Variants in TESK2 observed in about 807,000 individuals in gnomAD.
TESK2 encodes the protein testis associated actin remodelling kinase 2.
In TESK2, 39 loss-of-function variants were observed where a neutral mutation model predicts 57.1. The ratio of observed to expected loss-of-function variants is 0.68; its 90% CI spans 0.53 to 0.89. The LOEUF (loss-of-function observed/expected upper bound fraction) is 0.89. Among genes scored for constraint, TESK2 ranks in the 40% least tolerant of loss-of-function variants. The pLI is 0.00. For synonymous variants in TESK2, 249 were observed against 267.9 expected, an observed-to-expected ratio of 0.93 and a Z score of 0.69; for missense variants, 646 against 732.1, an observed-to-expected ratio of 0.88 and a Z score of 1.36.
Position 45,345,903 on chromosome 1 carries a change from T to C in TESK2, c.971A>G (p.Asp324Gly), listed in dbSNP as rs1647137079. The C allele has an allele frequency of 6.2e-7, 1 of 1,613,914 alleles. No homozygotes were observed. Among genetic ancestry groups the C allele is most frequent in the Non-Finnish European group, 8.5e-7 (1 of 1,179,988 alleles). The change falls in exon 10 of 11, where the codon GAT becomes GGT. Residue 324 changes from aspartate to glycine, a missense_variant. Transcript: ENST00000372086. Reference protein sequence around the residue: ...SRLQEEEQERDRKLQPTARGL... With the variant: ...SRLQEEEQERGRKLQPTARGL... ...CCTGGCTGTGGGCTGCAGCTTCCTA[T>C]CCCTCTCCTGCTCTTCTTCCTGTAG...
intron 2 of TESK2, among the ~76,000 whole-genome samples, chr1:45,444,176 TA>T (rs34789802): frequency 3.9e-3 from 517 of 131,440 alleles, no homozygotes; most frequent in Non-Finnish European, 3.7e-3. Flanking sequence ...GAGACTCTAT[TA>T]AAAAAAAAAA....
intron 1 of TESK2, among the ~76,000 whole-genome samples, chr1:45,471,473 T>C (rs1310415436): frequency 1.3e-5 from 2 of 149,874 alleles, no homozygotes; most frequent in East Asian, 4.1e-4. Context: ...TGGTGCGATC[T>C]CGGCTCACTG....
intron 1 of TESK2, among the ~76,000 whole-genome samples, chr1:45,485,377 C>T (rs1653422177): frequency 6.6e-6 from 1 of 151,824 alleles, no homozygotes; most frequent in East Asian, 1.9e-4. Flanking sequence ...TTAGTAGAGA[C>T]GGGGTTTCAC....
intron 3 of TESK2, among the ~76,000 whole-genome samples, chr1:45,394,757 T>C (rs1347243797): frequency 7.7e-6 from 1 of 129,770 alleles, no homozygotes; most frequent in Non-Finnish European, 1.6e-5. Flanking sequence ...AATGGCTCAG[T>C]CTTGGTTCAC....
chr1:45,386,788 G>A (rs890894683), intron 3 of TESK2, among the ~76,000 whole-genome samples: 9 of 152,028 alleles, frequency 5.9e-5, no homozygotes, highest in Non-Finnish European at 4.4e-5. Context: ...AGAGTAGCTG[G>A]GACTACAGGC....
chr1:45,480,605 A>G (rs950159560), intron 1 of TESK2, among the ~76,000 whole-genome samples: 1 of 151,974 alleles, frequency 6.6e-6, no homozygotes. Flanking sequence ...ATTATAAGGA[A>G]TTAGTTAAAT....
chr1:45,384,819 A>G (rs1193213014), intron 4 of TESK2, among the ~76,000 whole-genome samples: 1 of 151,830 alleles, frequency 6.6e-6, no homozygotes, highest in Non-Finnish European at 1.5e-5. Context: ...ATACAGACAG[A>G]TTCAAACGTA....
At chr1:45,481,120 C>T (rs926807833) in intron 1 of TESK2, among the ~76,000 whole-genome samples, 2 of 152,042 alleles carry the variant, frequency 1.3e-5, no homozygotes, top group Non-Finnish European at 2.9e-5. Flanking sequence ...AATCCCAGCA[C>T]TTTGGGAGGC....
At chr1:45,379,392 G>A (rs556596214) in intron 4 of TESK2, among the ~76,000 whole-genome samples, 86 of 152,258 alleles carry the variant, frequency 5.6e-4, no homozygotes, top group African/African-American at 2.0e-3. Flanking sequence ...TTGAACGCCT[G>A]GCCTCATATA....
At chr1:45,395,150 C>T (rs1649308399) in intron 3 of TESK2, among the ~76,000 whole-genome samples, 2 of 152,120 alleles carry the variant, frequency 1.3e-5, no homozygotes, top group Admixed American at 1.3e-4. Context: ...CCTAAAATGC[C>T]CCTCTCTTCA....
At chr1:45,471,912 G>A (rs1013072511) in intron 1 of TESK2, among the ~76,000 whole-genome samples, 136 of 152,042 alleles carry the variant, frequency 8.9e-4, no homozygotes, top group African/African-American at 3.1e-3. Context: ...AGCCACCTCA[G>A]CCGCCTCAGC....
intron 6 of TESK2, 77 bp from the exon 7 acceptor site, chr1:45,347,770 C>G: frequency 6.6e-7 from 1 of 1,519,478 alleles, no homozygotes; most frequent in South Asian, 1.1e-5. Flanking sequence ...TCCTCCACCT[C>G]AAGGATGGGT....
chr1:45,419,200 A>T (rs1271219167), intron 3 of TESK2, among the ~76,000 whole-genome samples: 1 of 151,522 alleles, frequency 6.6e-6, no homozygotes, highest in Non-Finnish European at 1.5e-5. Context: ...ATGGTCTCGA[A>T]CTCTTGACCT....
intron 2 of TESK2, among the ~76,000 whole-genome samples, chr1:45,456,463 G>A (rs1652099498): frequency 6.6e-6 from 1 of 151,790 alleles, no homozygotes; most frequent in Non-Finnish European, 1.5e-5. Flanking sequence ...AGGTTGCAGT[G>A]AGCCAAGATT....
At chr1:45,369,269 G>T (rs1050225258) in intron 4 of TESK2, among the ~76,000 whole-genome samples, 1 of 152,050 alleles carries the variant, frequency 6.6e-6, no homozygotes, top group Admixed American at 6.6e-5. Context: ...GGGAGGCCAA[G>T]GCAGGTGGAT....
At chr1:45,424,200 T>C (rs1383684553) in intron 2 of TESK2, among the ~76,000 whole-genome samples, 1 of 152,116 alleles carries the variant, frequency 6.6e-6, no homozygotes, top group East Asian at 1.9e-4. Flanking sequence ...ATCCAAAAAC[T>C]CCTTGAAATG....
At chr1:45,450,164 T>G (rs1043288201) in intron 2 of TESK2, among the ~76,000 whole-genome samples, 10 of 152,178 alleles carry the variant, frequency 6.6e-5, no homozygotes, top group African/African-American at 2.4e-4. Flanking sequence ...GATCAAAAAT[T>G]TAAATATTAA....
At chr1:45,415,129 T>G (rs1650188151) in intron 3 of TESK2, 1 of 1,490,172 alleles carries the variant, frequency 6.7e-7, no homozygotes, top group South Asian at 1.1e-5. Flanking sequence ...ACAGAAAACT[T>G]TTGTGCTCTG....
chr1:45,375,423 C>CTTTTT (rs34730448), intron 4 of TESK2, among the ~76,000 whole-genome samples: 2 of 135,582 alleles, frequency 1.5e-5, no homozygotes, highest in African/African-American at 5.6e-5. Context: ...TTCCTTCACC[C>CTTTTT]TTTTTTTTTT....
Sources: allele counts gnomAD v4.1 joint callset (sites outside exome capture counted in the v4.1 genomes callset), GRCh38; gene constraint gnomAD v4.1.1; transcripts MANE v1.5; gene names NCBI Gene and HGNC (gene_info 2026-07-23, HGNC 2026-07-21).